The following HS3ST5 variants were observed in gnomAD, a reference collection of about 807,000 sequenced individuals.
HS3ST5 encodes the protein heparan sulfate glucosamine 3-O-sulfotransferase 5.
Under a neutral mutation model 25.4 loss-of-function variants are expected in HS3ST5, and 10 were observed. That is an observed-to-expected ratio of 0.39 (90% CI 0.24 to 0.67). HS3ST5 has a LOEUF of 0.67. Among genes scored for constraint, HS3ST5 ranks in the 30% least tolerant of loss-of-function variants. The pLI is 0.44. For missense variants in HS3ST5, 324 were observed against 420.7 expected (o/e 0.77, Z 2.01); for synonymous variants, 170 against 162.4 (o/e 1.05, Z -0.36).
chr6:114,145,801 C>T (rs1397714767), intron 3 of HS3ST5, among the ~76,000 whole-genome samples: 2 of 152,136 alleles, frequency 1.3e-5, no homozygotes, highest in East Asian at 3.9e-4. Context: ...CAGCTGTCTG[C>T]CCCTAAGCCA....
chr6:114,068,213 G>T (rs530794705), intron 3 of HS3ST5, among the ~76,000 whole-genome samples: 1 of 152,098 alleles, frequency 6.6e-6, no homozygotes, highest in East Asian at 1.9e-4. Context: ...GCAAGATGGC[G>T]CATGCATACA....
At position 114,085,167 on chromosome 6, in the gene HS3ST5, T is replaced by C. The variant is rs534942737; in HGVS notation, c.-32-22290A>G. The stretch of plus-strand genomic sequence containing the variant: ...TCTATTATATGAGGATTTTGTGGTC[T>C]GTCATTTTACTCACAGTGCCTTACT... On this transcript the variant is annotated intron_variant, in intron 3 of 4. Transcript: ENST00000312719. Among the ~76,000 whole-genome samples, 19 of 152,348 alleles carry C rather than the reference T, an allele frequency of 1.2e-4. No homozygotes were observed. In the South Asian group the frequency reaches 3.9e-3, roughly 32 times the overall value.
chr6:114,060,343 G>A (rs187590729), intron 4 of HS3ST5, among the ~76,000 whole-genome samples: 2 of 152,042 alleles, frequency 1.3e-5, no homozygotes, highest in Admixed American at 6.6e-5. Context: ...GATTTAACCC[G>A]GTTAATAGTT....
intron 1 of HS3ST5, among the ~76,000 whole-genome samples, chr6:114,295,861 A>G (rs1464233450): frequency 6.6e-6 from 1 of 152,196 alleles, no homozygotes; most frequent in African/African-American, 2.4e-5. Context: ...GGCTGCACCA[A>G]GTGGCAAATA....
rs558868930 is a variant in HS3ST5, at chr6:114,236,323, A to C, written c.-338-7545T>G. 2.0e-5 allele frequency among the ~76,000 whole-genome samples: 3 copies of C among 152,356 alleles called. No individual in the cohort carries two copies. In the East Asian group the frequency reaches 5.8e-4, roughly 29 times the overall value. On this transcript the variant is annotated intron_variant, in intron 1 of 4. Coordinates refer to ENST00000312719, the MANE Select transcript of HS3ST5 (RefSeq NM_153612.4). ...CTTATACATAGGTACACTCAGGTCA[A>C]CTATCCAATTAGGTAAATATATCGT... is the stretch of plus-strand genomic sequence containing the variant.
chr6:114,259,836 T>G (rs779236062), intron 1 of HS3ST5, among the ~76,000 whole-genome samples: 1 of 152,174 alleles, frequency 6.6e-6, no homozygotes, highest in African/African-American at 2.4e-5. Flanking sequence ...ATGAAACATC[T>G]GAAAAAGGAA....
intron 1 of HS3ST5, among the ~76,000 whole-genome samples, chr6:114,256,627 A>T (rs1412413685): frequency 2.0e-5 from 3 of 152,116 alleles, no homozygotes; most frequent in African/African-American, 7.2e-5. Flanking sequence ...TCCATCTGAG[A>T]CCACCTCAGC....
chr6:114,282,009 G>A (rs1389813864), intron 1 of HS3ST5: 1 of 151,918 alleles, frequency 6.6e-6, no homozygotes, highest in Non-Finnish European at 1.5e-5. Context: ...GCGAGTTGAG[G>A]TAGGCGTTTC....
chr6:114,125,730 A>G (rs1039408607), intron 3 of HS3ST5, among the ~76,000 whole-genome samples: 1 of 152,224 alleles, frequency 6.6e-6, no homozygotes, highest in Non-Finnish European at 1.5e-5. Context: ...GTTGATGCAA[A>G]GCTGAAATCA....
intron 1 of HS3ST5, among the ~76,000 whole-genome samples, chr6:114,272,233 G>A (rs573709978): frequency 6.6e-6 from 1 of 152,156 alleles, no homozygotes; most frequent in Non-Finnish European, 1.5e-5. Context: ...TTTGGTAGAC[G>A]ATATGTTGTA....
chr6:114,335,815 A>G (rs1298467273), intron 1 of HS3ST5, among the ~76,000 whole-genome samples: 1 of 152,038 alleles, frequency 6.6e-6, no homozygotes, highest in African/African-American at 2.4e-5. Context: ...CACCATGCCC[A>G]GCTAATTTTT....
At chr6:114,319,062 T>C in intron 1 of HS3ST5, among the ~76,000 whole-genome samples, 1 of 152,250 alleles carries the variant, frequency 6.6e-6, no homozygotes, top group South Asian at 2.1e-4. Flanking sequence ...ACAAAGTGGA[T>C]ATATTTATCT....
chr6:114,240,614 T>G (rs535715220), intron 1 of HS3ST5, among the ~76,000 whole-genome samples: 1 of 152,176 alleles, frequency 6.6e-6, no homozygotes, highest in Non-Finnish European at 1.5e-5. Flanking sequence ...CACAAATATA[T>G]TTTTGTAATT....
At chr6:114,308,787 C>T (rs73544409) in intron 1 of HS3ST5, among the ~76,000 whole-genome samples, 5,393 of 152,156 alleles carry the variant, frequency 0.035, 318 homozygotes, top group African/African-American at 0.12. Context: ...ACAAATAGAT[C>T]AGTAAGGTGA....
chr6:114,312,656 GA>G (rs1204504340), intron 1 of HS3ST5, among the ~76,000 whole-genome samples: 2 of 151,618 alleles, frequency 1.3e-5, no homozygotes, highest in East Asian at 1.9e-4. Flanking sequence ...TCCAGAAGTG[GA>G]AAAAAAATTC....
intron 2 of HS3ST5, among the ~76,000 whole-genome samples, chr6:114,201,509 T>C (rs944652156): frequency 1.3e-5 from 2 of 152,162 alleles, no homozygotes; most frequent in African/African-American, 4.8e-5. Context: ...TCTGACCTCA[T>C]CCAGGCACAC....
intron 3 of HS3ST5, among the ~76,000 whole-genome samples, chr6:114,066,651 A>T (rs1358166862): frequency 3.4e-5 from 5 of 148,810 alleles, no homozygotes; most frequent in South Asian, 2.1e-4. Flanking sequence ...AAACAAAAAT[A>T]AAAAAAACAA....
chr6:114,290,846 T>A (rs1195905884), intron 1 of HS3ST5, among the ~76,000 whole-genome samples: 2 of 151,958 alleles, frequency 1.3e-5, no homozygotes, highest in African/African-American at 2.4e-5. Context: ...ATTTTTTTTT[T>A]AAGCAATCAG....
chr6:114,271,278 C>T (rs937054075), intron 1 of HS3ST5, among the ~76,000 whole-genome samples: 1 of 151,976 alleles, frequency 6.6e-6, no homozygotes. Flanking sequence ...CTCATCAGGC[C>T]CACTCCCTGG....
Sources: gnomAD v4.1 joint callset for allele counts (sites outside exome capture counted in the v4.1 genomes callset) on GRCh38, gnomAD v4.1.1 for gene constraint, MANE v1.5 for transcripts, NCBI Gene and HGNC (gene_info 2026-07-23, HGNC 2026-07-21) for gene names.